Variants in AP3B2 observed in about 807,000 individuals in gnomAD.
AP3B2 encodes AP-3 complex subunit beta-2.
AP3B2 carries 50 observed loss-of-function variants against 126.9 expected under a neutral mutation model. The ratio of observed to expected loss-of-function variants is 0.39; its 90% CI spans 0.31 to 0.50. The LOEUF (loss-of-function observed/expected upper bound fraction) is 0.50, where lower values mean the gene tolerates loss of function less well. AP3B2 is among the 20% of genes least tolerant of loss of function. AP3B2 has a pLI of 0.79. For missense variants in AP3B2, 1,177 were observed against 1,426.4 expected (o/e 0.83, Z 2.82); for synonymous variants, 541 against 565.0 (o/e 0.96, Z 0.60).
intron 1 of AP3B2, among the ~76,000 whole-genome samples, chr15:82,709,391 C>T (rs972986115): frequency 6.6e-5 from 10 of 151,824 alleles, no homozygotes; most frequent in Admixed American, 1.3e-4. Flanking sequence ...CCTCCGCGTC[C>T]TAGGCCGGCC....
intron 1 of AP3B2, among the ~76,000 whole-genome samples, chr15:82,702,090 G>T (rs2048726927): frequency 6.6e-6 from 1 of 152,158 alleles, no homozygotes; most frequent in East Asian, 1.9e-4. Context: ...GACTTGTGCA[G>T]TGTCTGAACT....
At chr15:82,661,045 CTTG>C in intron 25 of AP3B2, among the ~76,000 whole-genome samples, 1 of 152,142 alleles carries the variant, frequency 6.6e-6, no homozygotes, top group East Asian at 1.9e-4. Flanking sequence ...CACCTTCTGC[CTTG>C]TTGTCTCTCC....
At position 82,681,100 on chromosome 15, in the gene AP3B2, CT is replaced by C. The variant is rs1288887173; in HGVS notation, c.588+11del. ...GGTCACCACCCCTCCCGGAGCGCCCCTATACACGCACCGTGGTCTTGTCAGC... is the reference window on the plus strand; with the variant it reads ...GGTCACCACCCCTCCCGGAGCGCCCCATACACGCACCGTGGTCTTGTCAGC... On this transcript the variant is annotated intron_variant, in intron 6 of 26. Transcript: ENST00000535359. This position sits in a 1 kb window ranked among gnomAD's most constrained non-coding sequence, Gnocchi z 4.0. 6.2e-7 allele frequency: 1 copy of C among 1,613,584 alleles called. No individual in the cohort carries two copies. Among genetic ancestry groups the C allele is most frequent in the South Asian group, 1.1e-5 (1 of 91,016 alleles).
intron 14 of AP3B2, among the ~76,000 whole-genome samples, chr15:82,671,718 G>GA (rs1555465932): frequency 3.4e-5 from 5 of 145,762 alleles, no homozygotes; most frequent in East Asian, 2.0e-4. Flanking sequence ...TCCAGCCTGG[G>GA]AAAAAAGAGT....
intron 1 of AP3B2, chr15:82,689,736 G>C: frequency 2.3e-6 from 1 of 425,914 alleles, no homozygotes; most frequent in South Asian, 2.6e-5. Context: ...AGTTGTTGCA[G>C]ATGTAATTAG....
At chr15:82,661,143 G>T (rs1239815263) in intron 25 of AP3B2, among the ~76,000 whole-genome samples, 2 of 151,846 alleles carry the variant, frequency 1.3e-5, no homozygotes, top group Admixed American at 1.3e-4. Flanking sequence ...TTCCCCCAAG[G>T]TTCTGTCCTT....
intron 1 of AP3B2, among the ~76,000 whole-genome samples, chr15:82,706,014 G>A (rs1373407780): frequency 6.6e-6 from 1 of 152,116 alleles, no homozygotes; most frequent in Non-Finnish European, 1.5e-5. Flanking sequence ...AGGGCTGTGC[G>A]GTTGGAATTC....
chr15:82,680,781 T>C lies in AP3B2; in HGVS notation c.772-26A>G, dbSNP rs768070809. ...CTGGACGGGGAGACCGACGGGTCTG[T>C]GGGCGCCTCCCCGGGACACACTTCG... On this transcript the variant is annotated intron_variant, in intron 7 of 26. Transcript: ENST00000535359. This position sits in a 1 kb window ranked among gnomAD's most constrained non-coding sequence, Gnocchi z 6.1. 4 of 1,603,794 alleles carry C rather than the reference T, an allele frequency of 2.5e-6. No individual in the cohort carries two copies. Among genetic ancestry groups the C allele is most frequent in the Non-Finnish European group, 2.6e-6 (3 of 1,175,308 alleles).
chr15:82,659,890 G>A lies in AP3B2; in HGVS notation c.3110C>T (p.Thr1037Ile). The A allele has an allele frequency of 6.2e-7, 1 of 1,613,990 alleles. No homozygotes were observed. The highest frequency in any genetic ancestry group is 8.5e-7 in the Non-Finnish European group (1 of 1,179,878). ...ACAAGGAACACGACCCAGGTTGGCA[G>A]TGGCAGTCACTTTCTGCACCACAAT... is the stretch of plus-strand genomic sequence containing the variant. ...DHIVVQKVTA[T>I]ANLGRVPCGT... The change falls in exon 26 of 27, where the codon ACT (threonine) becomes ATT (isoleucine). Residue 1037 changes from threonine (T) to isoleucine (I), a missense_variant. Around this residue, in one of 5 missense-constraint regions of AP3B2, gnomAD observed 587 missense variants for 571.3 expected, o/e 1.03. Coordinates refer to ENST00000535359, the MANE Select transcript of AP3B2 (RefSeq NM_001278512.2).
At position 82,663,976 on chromosome 15, in the gene AP3B2, C is replaced by G; in HGVS notation, c.2262-1G>C. ...CTTACCATCCTCCTCACTCTGTTCA[C>G]TGAAGGAGTGGGAAAGGTTGGCTCA... On this transcript the variant is annotated splice_acceptor_variant, in intron 19 of 26. Transcript: ENST00000535359. LOFTEE classifies it high-confidence loss of function. 1 of 1,601,532 alleles carries G rather than the reference C, an allele frequency of 6.2e-7. No homozygotes were observed. Among genetic ancestry groups the G allele is most frequent in the Admixed American group, 1.7e-5 (1 of 59,888 alleles).
intron 4 of AP3B2, chr15:82,687,774 G>A (rs2048455354): frequency 6.6e-6 from 1 of 152,216 alleles, no homozygotes; most frequent in Non-Finnish European, 1.5e-5. Context: ...ATGAAAAGAT[G>A]AGCTGGACCT....
At chr15:82,693,043 C>T (rs766360860) in intron 1 of AP3B2, among the ~76,000 whole-genome samples, 1 of 151,700 alleles carries the variant, frequency 6.6e-6, no homozygotes, top group Non-Finnish European at 1.5e-5. Flanking sequence ...GACAACTCAC[C>T]CTATTGGACT....
rs777914301 is a variant in AP3B2, at chr15:82,663,079, AGGGATGTG to A, written c.2604+40_2604+47del. ...ACATCCACACCATAGGATGCAGCAC[AGGGATGTG>A]TCCCTGCCCCAGCCCGGTCCCCTCC... On this transcript the variant is annotated intron_variant, in intron 22 of 26. Transcript: ENST00000535359. The A allele has an allele frequency of 2.6e-4, 395 of 1,532,324 alleles. 1 individual carries two copies. Among genetic ancestry groups the A allele is most frequent in the Non-Finnish European group, 3.3e-4 (367 of 1,122,170 alleles). 94.9% of individuals were successfully genotyped at this position (1,532,324 alleles called of 1,614,324 possible). A position where few individuals can be genotyped will look rare whatever the true frequency, so the allele number is the denominator to read the frequency against.
chr15:82,664,854 G>T lies in AP3B2; in HGVS notation c.2118C>A (p.Pro706=). Residue 706 remains proline, a synonymous_variant, in exon 18 of 27, where the codon CCC becomes CCA. Coordinates refer to ENST00000535359, the MANE Select transcript of AP3B2 (RefSeq NM_001278512.2). The surrounding 1 kb of genome is among the most constrained non-coding windows in gnomAD (Gnocchi z 4.5). ...FYSDSEGESG[P]TESADSDPES... Reference sequence around the variant, plus strand: ...GCTCACCACTGTCTGCGGACTCCGTGGGGCCTGACTCCCCCTCAGAGTCCG... The same window carrying T: ...GCTCACCACTGTCTGCGGACTCCGTTGGGCCTGACTCCCCCTCAGAGTCCG... 6.3e-7 allele frequency: 1 copy of T among 1,597,658 alleles called. No homozygotes were observed. Among genetic ancestry groups the T allele is most frequent in the East Asian group, 2.3e-5 (1 of 44,366 alleles).
rs1019941608 is a variant in AP3B2 at position 82,681,290 on chromosome 15, C to T, written c.522-112G>A. 20 of 1,518,138 alleles carry T rather than the reference C, an allele frequency of 1.3e-5. No homozygotes were observed. The highest frequency in any genetic ancestry group is 1.9e-5 in the Admixed American group (1 of 51,566). 94.0% of individuals were successfully genotyped at this position (1,518,138 alleles called of 1,614,324 possible). A position where few individuals can be genotyped will look rare whatever the true frequency, so the allele number is the denominator to read the frequency against. On this transcript the variant is annotated intron_variant, in intron 5 of 26. Coordinates refer to ENST00000535359, the MANE Select transcript of AP3B2 (RefSeq NM_001278512.2). This position sits in a 1 kb window ranked among gnomAD's most constrained non-coding sequence, Gnocchi z 4.0. ...CCAGCCTTATTGTTCTCCTCCATCT[C>T]TGTCAGTCCCCCAAACTACCCTCCT...
intron 1 of AP3B2, among the ~76,000 whole-genome samples, chr15:82,709,226 C>A (rs1266664514): frequency 2.6e-5 from 4 of 152,138 alleles, no homozygotes; most frequent in Non-Finnish European, 5.9e-5. Context: ...CTGACTCAGA[C>A]CCCTCCCCCA....
At chr15:82,663,751 G>T in intron 20 of AP3B2, 50 bp downstream of exon 20, 1 of 1,596,932 alleles carries the variant, frequency 6.3e-7, no homozygotes. Flanking sequence ...CAGAGGTTGG[G>T]GAGGGCCCTG....
intron 25 of AP3B2, 27 bp downstream of exon 25, chr15:82,661,797 TC>T: frequency 6.3e-7 from 1 of 1,576,928 alleles, no homozygotes; most frequent in East Asian, 2.3e-5. Context: ...TATACTTCCC[TC>T]TCTGCCCACT....
In AP3B2 at chr15:82,659,390, G is replaced by A. The variant is rs1164924526; in HGVS notation, c.*170C>T. 1.3e-6 allele frequency: 1 copy of A among 752,648 alleles called. No individual in the cohort carries two copies. The highest frequency in any genetic ancestry group is 2.1e-6 in the Non-Finnish European group (1 of 467,492). 46.6% of individuals were successfully genotyped at this position (752,648 alleles called of 1,614,324 possible). A position where few individuals can be genotyped will look rare whatever the true frequency, so the allele number is the denominator to read the frequency against. ...CTGCACAGATCACTAAGGAATCCAT[G>A]GGGAGGGCATTAGGGGAGGGCTTGG... On this transcript the variant is annotated 3_prime_UTR_variant, in exon 27 of 27. Coordinates refer to ENST00000535359, the MANE Select transcript of AP3B2 (RefSeq NM_001278512.2).
Sources: allele counts gnomAD v4.1 joint callset (sites outside exome capture counted in the v4.1 genomes callset), GRCh38; gene constraint gnomAD v4.1.1; regional missense constraint gnomAD v4.1.1; non-coding constraint Gnocchi (gnomAD v3.1); transcripts MANE v1.5; gene names NCBI Gene and HGNC (gene_info 2026-07-23, HGNC 2026-07-21).